Variants in TENM3 observed in about 807,000 individuals in gnomAD.
TENM3 encodes teneurin transmembrane protein 3.
A neutral mutation model predicts 255.1 loss-of-function variants in TENM3; 63 were observed. The observed-to-expected ratio is 0.25, with a 90% CI of 0.20 to 0.30. TENM3 has a LOEUF of 0.30. TENM3 is among the 10% of genes least tolerant of loss of function. The pLI, the probability that TENM3 is intolerant of heterozygous loss-of-function variation, is 1.00. For synonymous variants in TENM3, 1,306 were observed against 1,322.3 expected (o/e 0.99, Z 0.27); for missense variants, 2,929 against 3,461.1 (o/e 0.85, Z 3.86).
chr4:182,507,553 C>A (rs17073491), intron 3 of TENM3, among the ~76,000 whole-genome samples: 1 of 152,054 alleles, frequency 6.6e-6, no homozygotes, highest in Non-Finnish European at 1.5e-5. Context: ...TTTCTTAATA[C>A]AGTCTTGTCC....
chr4:181,502,564 T>C, the TENM3 span, among the ~76,000 whole-genome samples: 1 of 152,212 alleles, frequency 6.6e-6, no homozygotes, highest in Non-Finnish European at 1.5e-5. Context: ...CCTGTATTTG[T>C]GGGTGGAGAT....
chr4:182,717,701 T>C (rs1759319887), intron 13 of TENM3, among the ~76,000 whole-genome samples: 1 of 152,228 alleles, frequency 6.6e-6, no homozygotes, highest in Non-Finnish European at 1.5e-5. Context: ...GTAGACACTT[T>C]GGGAGCAACT....
At chr4:181,956,222 T>C in the TENM3 span, among the ~76,000 whole-genome samples, 2 of 152,170 alleles carry the variant, frequency 1.3e-5, no homozygotes, top group Non-Finnish European at 2.9e-5. Context: ...TCACCTCCCA[T>C]AGGCCCCAGC....
At chr4:181,549,252 C>A in the TENM3 span, among the ~76,000 whole-genome samples, 2 of 152,208 alleles carry the variant, frequency 1.3e-5, no homozygotes, top group African/African-American at 4.8e-5. Flanking sequence ...GCCGGAGGCT[C>A]AGCTCCAGGG....
chr4:181,930,427 T>C, the TENM3 span, among the ~76,000 whole-genome samples: 1 of 152,156 alleles, frequency 6.6e-6, no homozygotes, highest in Admixed American at 6.5e-5. Flanking sequence ...AAGAAATGGA[T>C]AATTTCCTGG....
At chr4:181,499,703 G>A in the TENM3 span, among the ~76,000 whole-genome samples, 1 of 152,158 alleles carries the variant, frequency 6.6e-6, no homozygotes, top group South Asian at 2.1e-4. Context: ...AAGCTGGGTG[G>A]GGTAAAGGGA....
At chr4:181,485,643 C>T in the TENM3 span, among the ~76,000 whole-genome samples, 56 of 152,090 alleles carry the variant, frequency 3.7e-4, 2 homozygotes, top group South Asian at 0.01. Flanking sequence ...GTAGGTAATA[C>T]GGATAACATC....
the TENM3 span, among the ~76,000 whole-genome samples, chr4:181,486,264 G>C: frequency 6.6e-6 from 1 of 152,142 alleles, no homozygotes; most frequent in Non-Finnish European, 1.5e-5. Flanking sequence ...GGCACACACA[G>C]AAGCCATATT....
intron 3 of TENM3, among the ~76,000 whole-genome samples, chr4:182,587,272 A>T: frequency 6.6e-6 from 1 of 152,004 alleles, no homozygotes; most frequent in East Asian, 1.9e-4. Flanking sequence ...TAATTTTCAC[A>T]TTTTTTTGTA....
At chr4:181,850,623 G>A in the TENM3 span, among the ~76,000 whole-genome samples, 1 of 151,948 alleles carries the variant, frequency 6.6e-6, no homozygotes, top group Admixed American at 6.6e-5. Flanking sequence ...AATATTATTT[G>A]CATGAAATAC....
chr4:182,222,274 T>C (rs777880903), intron 1 of TENM3, among the ~76,000 whole-genome samples: 3 of 152,274 alleles, frequency 2.0e-5, no homozygotes, highest in Non-Finnish European at 2.9e-5. Flanking sequence ...CAATTCAGTA[T>C]GTTTTTAACA....
intron 12 of TENM3, among the ~76,000 whole-genome samples, chr4:182,701,210 C>CTTTTTTTTTTTTTTT (rs35538818): frequency 0.013 from 485 of 38,664 alleles, 190 homozygotes; most frequent in African/African-American, 0.016. Flanking sequence ...CAACTCTTGA[C>CTTTTTTTTTTTTTTT]TTTTTTTTTT....
chr4:181,926,247 A>C, the TENM3 span, among the ~76,000 whole-genome samples: 2 of 152,228 alleles, frequency 1.3e-5, no homozygotes, highest in East Asian at 3.8e-4. Context: ...TGAATGAAAT[A>C]TGAATGGTCT....
the TENM3 span, among the ~76,000 whole-genome samples, chr4:181,544,408 T>TAAAAAAAAAA: frequency 0.041 from 2,820 of 68,562 alleles, 471 homozygotes; most frequent in Non-Finnish European, 0.055. Flanking sequence ...CCTTCAGGAT[T>TAAAAAAAAAA]AAAAAAAAAA....
At chr4:181,892,080 C>T in the TENM3 span, among the ~76,000 whole-genome samples, 3 of 152,130 alleles carry the variant, frequency 2.0e-5, no homozygotes, top group Non-Finnish European at 1.5e-5. Context: ...CTTGGACTTC[C>T]CAGTCTCCAA....
the TENM3 span, among the ~76,000 whole-genome samples, chr4:182,112,036 T>A: frequency 2.0e-5 from 3 of 152,136 alleles, no homozygotes; most frequent in African/African-American, 7.2e-5. Context: ...ACACTTGTAA[T>A]CCCACGGCTT....
At chr4:181,511,240 A>C in the TENM3 span, among the ~76,000 whole-genome samples, 3 of 152,224 alleles carry the variant, frequency 2.0e-5, no homozygotes, top group Non-Finnish European at 4.4e-5. Context: ...TATTTTTATC[A>C]ATGTAATCAT....
At chr4:181,921,015 C>T in the TENM3 span, among the ~76,000 whole-genome samples, 3 of 152,128 alleles carry the variant, frequency 2.0e-5, no homozygotes, top group South Asian at 6.2e-4. Flanking sequence ...GCTTATTTTT[C>T]TCAGGTTTGT....
intron 3 of TENM3, among the ~76,000 whole-genome samples, chr4:182,479,528 A>G (rs1444978269): frequency 6.6e-6 from 1 of 151,982 alleles, no homozygotes; most frequent in East Asian, 1.9e-4. Flanking sequence ...TATGATATCG[A>G]ATGTGTAATT....
Sources: gnomAD v4.1 joint callset for allele counts (sites outside exome capture counted in the v4.1 genomes callset) on GRCh38, gnomAD v4.1.1 for gene constraint, MANE v1.5 for transcripts, NCBI Gene and HGNC (gene_info 2026-07-23, HGNC 2026-07-21) for gene names.